Variants in USH2A observed in about 807,000 individuals in gnomAD.
USH2A encodes Usher syndrome 2A (autosomal recessive, mild).
A neutral mutation model predicts 538.9 loss-of-function variants in USH2A; 443 were observed. The observed-to-expected ratio is 0.82, with a 90% confidence interval of 0.76 to 0.89. USH2A has a LOEUF of 0.89. Ranked by LOEUF, USH2A falls within the 40% of genes least tolerant of loss-of-function variation. USH2A has a pLI of 0.00. For synonymous variants in USH2A, 2,413 were observed against 2,273.5 expected (o/e 1.06, Z -1.75); for missense variants, 6,633 against 6,324.8 (o/e 1.05, Z -1.65).
chr1:215,637,380 G>A (rs189363844), intron 69 of USH2A, among the ~76,000 whole-genome samples: 2 of 152,296 alleles, frequency 1.3e-5, no homozygotes, highest in African/African-American at 2.4e-5. Flanking sequence ...AAGCACATGA[G>A]GTGATTCCTA....
chr1:216,043,873 G>A (rs1015872760), intron 32 of USH2A, among the ~76,000 whole-genome samples: 1 of 151,946 alleles, frequency 6.6e-6, no homozygotes, highest in African/African-American at 2.4e-5. Context: ...CGCATGGAAG[G>A]GGTCTTAGTT....
intron 4 of USH2A, among the ~76,000 whole-genome samples, chr1:216,344,967 T>A (rs2038146939): frequency 6.6e-6 from 1 of 151,402 alleles, no homozygotes; most frequent in Non-Finnish European, 1.5e-5. Context: ...TAGGCATGCA[T>A]GTGAATGTGG....
chr1:215,905,169 G>A (rs538905595), intron 38 of USH2A, among the ~76,000 whole-genome samples: 4 of 152,166 alleles, frequency 2.6e-5, no homozygotes, highest in African/African-American at 7.2e-5. Flanking sequence ...CTTTACAAAC[G>A]TAGTTGGTGG....
chr1:215,764,367 G>T (rs1161407414), intron 56 of USH2A, among the ~76,000 whole-genome samples: 3 of 152,108 alleles, frequency 2.0e-5, no homozygotes, highest in Non-Finnish European at 4.4e-5. Flanking sequence ...AAGTATGTCT[G>T]CAATTTTGCA....
At chr1:215,916,964 C>T in intron 38 of USH2A, among the ~76,000 whole-genome samples, 1 of 152,098 alleles carries the variant, frequency 6.6e-6, no homozygotes, top group Admixed American at 6.6e-5. Context: ...CTGAAGTCAT[C>T]CTCTGTTAAT....
At chr1:216,268,059 T>C (rs1281639178) in intron 11 of USH2A, among the ~76,000 whole-genome samples, 1 of 152,094 alleles carries the variant, frequency 6.6e-6, no homozygotes, top group Non-Finnish European at 1.5e-5. Context: ...GTATTATACT[T>C]CCTGTAGAAA....
At chr1:216,210,172 T>A (rs1030389200) in intron 15 of USH2A, among the ~76,000 whole-genome samples, 21 of 152,058 alleles carry the variant, frequency 1.4e-4, no homozygotes, top group East Asian at 3.9e-4. Flanking sequence ...CTTTTTTTTT[T>A]TAAATCACAT....
intron 35 of USH2A, 74 bp from the exon 36 acceptor site, chr1:215,970,850 C>T (rs1030855694): frequency 1.3e-4 from 182 of 1,429,828 alleles, no homozygotes; most frequent in Non-Finnish European, 1.7e-4. Context: ...AGCAAGCACT[C>T]TTGATGTGAT....
At chr1:215,880,918 T>C (rs1664888454) in intron 41 of USH2A, among the ~76,000 whole-genome samples, 1 of 152,150 alleles carries the variant, frequency 6.6e-6, no homozygotes, top group African/African-American at 2.4e-5. Flanking sequence ...TTAATCCATC[T>C]TGAATTAATG....
rs115517730 is a variant in USH2A, at chr1:216,324,116, A to G, written c.1328+52T>C. 3.6e-3 allele frequency: 5,591 copies of G among 1,574,398 alleles called. 88 individuals carry two copies. In the African/African-American group the frequency reaches 0.045, roughly 13 times the overall value. On this transcript the variant is annotated intron_variant, in intron 7 of 71. Transcript: ENST00000307340. ...GCCTAGAGAGCTAGCATACTTGTAC[A>G]TTATTAATAACCAATCAGTCTATTA...
At chr1:216,278,119 T>G (rs1445611262) in intron 11 of USH2A, among the ~76,000 whole-genome samples, 2 of 152,152 alleles carry the variant, frequency 1.3e-5, no homozygotes, top group African/African-American at 4.8e-5. Flanking sequence ...TACCTAATGC[T>G]TCTGCTAGTG....
At chr1:215,672,423 C>T (rs1657847837) in intron 63 of USH2A, among the ~76,000 whole-genome samples, 1 of 152,094 alleles carries the variant, frequency 6.6e-6, no homozygotes, top group Non-Finnish European at 1.5e-5. Context: ...ACTTTCTTCT[C>T]CTCCTCCCCT....
chr1:216,293,210 G>C (rs1203423014), intron 9 of USH2A, among the ~76,000 whole-genome samples: 1 of 152,012 alleles, frequency 6.6e-6, no homozygotes, highest in African/African-American at 2.4e-5. Flanking sequence ...ATTTTTAGTA[G>C]AGACGGGGTT....
At chr1:215,915,129 A>G (rs1302136074) in intron 38 of USH2A, among the ~76,000 whole-genome samples, 1 of 152,128 alleles carries the variant, frequency 6.6e-6, no homozygotes, top group Non-Finnish European at 1.5e-5. Flanking sequence ...GAAGCTTCAT[A>G]ACATAAATGA....
chr1:216,196,689 G>T lies in USH2A; in HGVS notation c.4115C>A (p.Pro1372His), dbSNP rs2034853248. ...GATATTGAGAGAGTACGAAGAGAGG[G>T]GAAAGACTGAAGGAGGGATCATGAA... ...PVFMIPPSVF[P>H]LSSYSLNISW... is the part of the protein sequence containing the mutation. Residue 1372 changes from proline to histidine, a missense_variant, in exon 19 of 72, where the codon CCC becomes CAC. Coordinates refer to ENST00000307340, the MANE Select transcript of USH2A (RefSeq NM_206933.4). 4.3e-6 allele frequency: 7 copies of T among 1,613,130 alleles called. No individual in the cohort carries two copies. The highest frequency in any genetic ancestry group is 4.0e-5 in the African/African-American group (3 of 74,820).
chr1:216,092,371 C>G (rs924265731), intron 22 of USH2A, among the ~76,000 whole-genome samples: 1 of 152,056 alleles, frequency 6.6e-6, no homozygotes, highest in Non-Finnish European at 1.5e-5. Context: ...TAGATAATCT[C>G]GTCCGCATTT....
intron 58 of USH2A, among the ~76,000 whole-genome samples, chr1:215,746,878 G>A (rs1660487971): frequency 6.6e-6 from 1 of 152,090 alleles, no homozygotes; most frequent in Non-Finnish European, 1.5e-5. Context: ...TGGAAAATTT[G>A]GGAAACACAG....
At chr1:215,978,466 C>T (rs547138620) in intron 35 of USH2A, among the ~76,000 whole-genome samples, 1 of 152,100 alleles carries the variant, frequency 6.6e-6, no homozygotes, top group South Asian at 2.1e-4. Context: ...CAAGATAAGC[C>T]TAATAAAAAG....
chr1:216,196,721 T>A lies in USH2A; in HGVS notation c.4083A>T (p.Ala1361=), dbSNP rs773773145. ...AWVSERTGES[A]PVFMIPPSVF... is the part of the protein sequence containing the mutation. ...CTGAAGGAGGGATCATGAATACAGG[T>A]GCTATCAATGAGAACAATAACAATA... Residue 1361 remains alanine, a splice_region_variant and synonymous_variant, in exon 19 of 72, where the codon GCA becomes GCT. Coordinates refer to ENST00000307340, the MANE Select transcript of USH2A (RefSeq NM_206933.4). 6.2e-7 allele frequency: 1 copy of A among 1,612,604 alleles called. No individual in the cohort carries two copies. The highest frequency in any genetic ancestry group is 1.1e-5 in the South Asian group (1 of 91,018).
Sources: gnomAD v4.1 joint callset for allele counts (sites outside exome capture counted in the v4.1 genomes callset) on GRCh38, gnomAD v4.1.1 for gene constraint, MANE v1.5 for transcripts, NCBI Gene and HGNC (gene_info 2026-07-23, HGNC 2026-07-21) for gene names.